Variants in CD300LD observed in about 807,000 individuals in gnomAD.
CD300LD encodes the protein CD300 molecule like family member d.
In CD300LD, 18 loss-of-function variants were observed where a neutral mutation model predicts 20.3. That is an observed-to-expected ratio of 0.89 (90% CI 0.61 to 1.32). CD300LD has a LOEUF of 1.32. Ranked by LOEUF, CD300LD falls within the 40% of genes most tolerant of loss-of-function variation. The probability of loss-of-function intolerance (pLI) is 0.00; values close to 1 mark genes in which losing one functional copy is unlikely to be tolerated. For missense variants in CD300LD, 195 were observed against 226.6 expected, an observed-to-expected ratio of 0.86 and a Z score of 0.90; for synonymous variants, 104 against 90.1, an observed-to-expected ratio of 1.15 and a Z score of -0.87.
At chr17:74,580,214 G>C (rs959416669) in intron 3 of CD300LD, 101 bp from the exon 4 acceptor site, 2 of 786,364 alleles carry the variant, frequency 2.5e-6, no homozygotes, top group Admixed American at 4.2e-5. Context: ...GTCTATGTGA[G>C]GGTAAGCCTG....
intron 3 of CD300LD, among the ~76,000 whole-genome samples, chr17:74,580,991 G>GT (rs2030022872): frequency 6.6e-6 from 1 of 151,914 alleles, no homozygotes; most frequent in Non-Finnish European, 1.5e-5. Context: ...GGGACTGAGG[G>GT]TATTTGGGGG....
At position 74,582,315 on chromosome 17, in the gene CD300LD, A is replaced by C; in HGVS notation, c.380-4T>G. 1 of 1,612,798 alleles carries C rather than the reference A, an allele frequency of 6.2e-7. No individual in the cohort carries two copies. The highest frequency in any genetic ancestry group is 8.5e-7 in the Non-Finnish European group (1 of 1,178,976). On this transcript the variant is annotated splice_region_variant and splice_polypyrimidine_tract_variant and intron_variant, in intron 2 of 3. Coordinates refer to ENST00000375352, the MANE Select transcript of CD300LD (RefSeq NM_001115152.2). ...TCTGAGACTGCAGTTTGTGTGCCTAAACATACAAAGCAGAACACGGTTCAC... is the reference window on the plus strand; with the variant it reads ...TCTGAGACTGCAGTTTGTGTGCCTACACATACAAAGCAGAACACGGTTCAC...
intron 3 of CD300LD, among the ~76,000 whole-genome samples, chr17:74,581,709 G>A (rs1285476816): frequency 6.6e-6 from 1 of 152,218 alleles, no homozygotes; most frequent in African/African-American, 2.4e-5. Context: ...GCCAAACCTC[G>A]ATATGCCCTC....
intron 3 of CD300LD, among the ~76,000 whole-genome samples, chr17:74,581,465 G>A (rs182198178): frequency 1.1e-4 from 17 of 152,278 alleles, no homozygotes; most frequent in Admixed American, 4.6e-4. Context: ...ATCAGGTGCC[G>A]ACCTCTGGGG....
chr17:74,580,918 AG>A (rs1487959841), intron 3 of CD300LD, among the ~76,000 whole-genome samples: 17 of 150,064 alleles, frequency 1.1e-4, no homozygotes, highest in Non-Finnish European at 2.2e-4. Flanking sequence ...AAAAAAAAAA[AG>A]ACAGAAAAGA....
chr17:74,580,118 G>A lies in CD300LD; in HGVS notation c.474-5C>T, dbSNP rs1465902130. On this transcript the variant is annotated splice_region_variant and splice_polypyrimidine_tract_variant and intron_variant, in intron 3 of 3. Coordinates refer to ENST00000375352, the MANE Select transcript of CD300LD (RefSeq NM_001115152.2). ...TGGGTGCTCTTGAGCGGGGACCTGT[G>A]GGAACACGGTGACAGGAAATGAGCT... is the stretch of plus-strand genomic sequence containing the variant. 6.3e-7 allele frequency: 1 copy of A among 1,596,304 alleles called. No homozygotes were observed. Among genetic ancestry groups the A allele is most frequent in the Admixed American group, 1.7e-5 (1 of 58,676 alleles).
chr17:74,581,329 A>T (rs2030031406), intron 3 of CD300LD, among the ~76,000 whole-genome samples: 1 of 150,760 alleles, frequency 6.6e-6, no homozygotes, highest in Non-Finnish European at 1.5e-5. Flanking sequence ...TTCCAGGAGG[A>T]CTGAGCCAGA....
At chr17:74,584,526 G>C (rs2030112033) in intron 2 of CD300LD, among the ~76,000 whole-genome samples, 1 of 152,196 alleles carries the variant, frequency 6.6e-6, no homozygotes, top group African/African-American at 2.4e-5. Context: ...CCCAAGTGCT[G>C]TGTTCCTTGT....
Position 74,588,996 on chromosome 17 carries a change from A to G in CD300LD, c.41-147T>C, listed in dbSNP as rs535160969. 3 of 603,438 alleles carry G rather than the reference A, an allele frequency of 5.0e-6. No homozygotes were observed. In the African/African-American group the frequency reaches 5.5e-5, roughly 11 times the overall value. 37.4% of individuals were successfully genotyped at this position (603,438 alleles called of 1,614,324 possible). A position where few individuals can be genotyped will look rare whatever the true frequency, so the allele number is the denominator to read the frequency against. On this transcript the variant is annotated intron_variant, in intron 1 of 3. Transcript: ENST00000375352. ...CCTCAAGACAAATCTTTGTCCTTCA[A>G]AATTCCACTGGGTCAAAGTCACCAG...
intron 1 of CD300LD, among the ~76,000 whole-genome samples, chr17:74,591,514 A>G (rs1246870531): frequency 6.6e-6 from 1 of 152,108 alleles, no homozygotes; most frequent in Non-Finnish European, 1.5e-5. Context: ...CATAGAATTA[A>G]CATAGGATTC....
chr17:74,581,318 G>C, intron 3 of CD300LD, among the ~76,000 whole-genome samples: 1 of 152,042 alleles, frequency 6.6e-6, no homozygotes, highest in Admixed American at 6.6e-5. Context: ...TTGAGGAGTA[G>C]TTCCAGGAGG....
chr17:74,583,644 G>A (rs1036048174), intron 2 of CD300LD, among the ~76,000 whole-genome samples: 1 of 152,098 alleles, frequency 6.6e-6, no homozygotes, highest in Non-Finnish European at 1.5e-5. Flanking sequence ...GTGTAAATCA[G>A]CTTTTGAGCT....
At chr17:74,591,511 T>A (rs1249492817) in intron 1 of CD300LD, among the ~76,000 whole-genome samples, 1 of 151,998 alleles carries the variant, frequency 6.6e-6, no homozygotes, top group African/African-American at 2.4e-5. Context: ...AAACATAGAA[T>A]TAACATAGGA....
chr17:74,584,023 G>A (rs1224871383), intron 2 of CD300LD, among the ~76,000 whole-genome samples: 1 of 151,864 alleles, frequency 6.6e-6, no homozygotes, highest in Non-Finnish European at 1.5e-5. Flanking sequence ...ACAAAGTGCT[G>A]GGATTACAGG....
At chr17:74,587,594 T>A (rs1429665149) in intron 2 of CD300LD, among the ~76,000 whole-genome samples, 1 of 152,236 alleles carries the variant, frequency 6.6e-6, no homozygotes, top group Non-Finnish European at 1.5e-5. Flanking sequence ...GTCTTAATAT[T>A]ATCTGTGTTC....
At chr17:74,584,750 C>T (rs2030116342) in intron 2 of CD300LD, 1 of 152,864 alleles carries the variant, frequency 6.5e-6, no homozygotes, top group Non-Finnish European at 1.5e-5. Context: ...TCTTTGTCTT[C>T]ATTTCTGCAT....
At chr17:74,584,769 C>T (rs545740993) in intron 2 of CD300LD, 1 of 153,320 alleles carries the variant, frequency 6.5e-6, no homozygotes, top group Non-Finnish European at 1.5e-5. Context: ...ATTCGTCCCC[C>T]CTTTGTTCAA....
chr17:74,592,209 G>A lies in CD300LD; in HGVS notation c.-7C>T, dbSNP rs1316496470. On this transcript the variant is annotated 5_prime_UTR_variant, in exon 1 of 4. Coordinates refer to ENST00000375352, the MANE Select transcript of CD300LD (RefSeq NM_001115152.2). ...GAGATGGGGACAGCCACATGGTCCT[G>A]TCTCCTCTCCTCTCCTTGGTGATCA... 1.9e-6 allele frequency: 3 copies of A among 1,614,020 alleles called. No homozygotes were observed. The highest frequency in any genetic ancestry group is 2.2e-5 in the East Asian group (1 of 44,870).
At position 74,580,065 on chromosome 17, in the gene CD300LD, C is replaced by A; in HGVS notation, c.522G>T (p.Leu174=). 1.2e-6 allele frequency: 2 copies of A among 1,613,506 alleles called. No homozygotes were observed. Among genetic ancestry groups the A allele is most frequent in the Non-Finnish European group, 8.5e-7 (1 of 1,179,716 alleles). Residue 174 remains leucine, a synonymous_variant, in exon 4 of 4, where the codon CTG becomes CTT. Transcript: ENST00000375352. ...TCCCCAGCATGCTCAGGAGCAGAGG[C>A]AGCTCCAGGAGGAACAGGAACAGGA... is the stretch of plus-strand genomic sequence containing the variant. ...THFLFLFLLE[L]PLLLSMLGTV...
Sources: allele counts gnomAD v4.1 joint callset (sites outside exome capture counted in the v4.1 genomes callset), GRCh38; gene constraint gnomAD v4.1.1; transcripts MANE v1.5; gene names NCBI Gene and HGNC (gene_info 2026-07-23, HGNC 2026-07-21).